LRFN2: variants seen among roughly 807,000 people sequenced by gnomAD.
LRFN2 encodes leucine rich repeat and fibronectin type III domain containing 2, also known as leucine-rich repeat and fibronectin type-III domain-containing protein 2.
Under a neutral mutation model 37.3 loss-of-function variants are expected in LRFN2, and 18 were observed. That is an observed-to-expected ratio of 0.48 (90% CI 0.33 to 0.72). The LOEUF (loss-of-function observed/expected upper bound fraction) is 0.72, where lower values mean the gene tolerates loss of function less well. Among genes scored for constraint, LRFN2 ranks in the 30% least tolerant of loss-of-function variants. LRFN2 has a pLI of 0.02. For synonymous variants in LRFN2, 556 were observed against 466.6 expected, an observed-to-expected ratio of 1.19 and a Z score of -2.47; for missense variants, 1,006 against 1,060.7, an observed-to-expected ratio of 0.95 and a Z score of 0.72.
chr6:40,510,062 G>A (rs1314938530), intron 1 of LRFN2, among the ~76,000 whole-genome samples: 1 of 151,864 alleles, frequency 6.6e-6, no homozygotes, highest in Non-Finnish European at 1.5e-5. Context: ...GGAGAGCTGA[G>A]TGCATGCATG....
At chr6:40,514,681 G>C (rs1489502815) in intron 1 of LRFN2, among the ~76,000 whole-genome samples, 1 of 152,118 alleles carries the variant, frequency 6.6e-6, no homozygotes, top group Non-Finnish European at 1.5e-5. Context: ...GATCTGAGAA[G>C]GTCTGCAGTA....
At chr6:40,452,146 T>A (rs1764125452) in intron 1 of LRFN2, among the ~76,000 whole-genome samples, 1 of 152,174 alleles carries the variant, frequency 6.6e-6, no homozygotes, top group Non-Finnish European at 1.5e-5. Context: ...TGTCCAATCT[T>A]ACCACCCAGT....
At chr6:40,436,440 C>T (rs1270932146) in intron 1 of LRFN2, among the ~76,000 whole-genome samples, 1 of 152,164 alleles carries the variant, frequency 6.6e-6, no homozygotes, top group African/African-American at 2.4e-5. Context: ...AAAATATTTA[C>T]TATCTTGTCC....
chr6:40,579,542 C>G (rs1035219698), intron 1 of LRFN2, among the ~76,000 whole-genome samples: 2 of 119,466 alleles, frequency 1.7e-5, no homozygotes, highest in Non-Finnish European at 3.6e-5. Flanking sequence ...TCACCACCAT[C>G]AGCTTTACAT....
chr6:40,445,341 G>A (rs906094658), intron 1 of LRFN2, among the ~76,000 whole-genome samples: 1 of 152,222 alleles, frequency 6.6e-6, no homozygotes, highest in Admixed American at 6.5e-5. Flanking sequence ...AAAAGGCAGA[G>A]TTGGAATCGC....
intron 1 of LRFN2, among the ~76,000 whole-genome samples, chr6:40,519,556 T>C (rs921828407): frequency 2.0e-5 from 3 of 152,206 alleles, no homozygotes; most frequent in Non-Finnish European, 4.4e-5. Context: ...GCCTCCACTA[T>C]GGCCATGACA....
At chr6:40,547,563 C>T (rs1161003450) in intron 1 of LRFN2, among the ~76,000 whole-genome samples, 1 of 152,178 alleles carries the variant, frequency 6.6e-6, no homozygotes, top group African/African-American at 2.4e-5. Context: ...CCCTTCTTCA[C>T]CCTGGTCATT....
chr6:40,481,247 C>T (rs911173052), intron 1 of LRFN2, among the ~76,000 whole-genome samples: 6 of 151,996 alleles, frequency 3.9e-5, no homozygotes, highest in Non-Finnish European at 7.4e-5. Flanking sequence ...AACAGCCTGG[C>T]CAACACAGTA....
At chr6:40,437,622 A>G (rs1293875195) in intron 1 of LRFN2, among the ~76,000 whole-genome samples, 2 of 152,196 alleles carry the variant, frequency 1.3e-5, no homozygotes, top group Non-Finnish European at 2.9e-5. Flanking sequence ...ATTGAATCTT[A>G]ATTAAAATTG....
At chr6:40,476,903 A>G (rs1450955794) in intron 1 of LRFN2, among the ~76,000 whole-genome samples, 1 of 152,226 alleles carries the variant, frequency 6.6e-6, no homozygotes, top group Non-Finnish European at 1.5e-5. Context: ...TCCTATTTCC[A>G]GCCTGCCTGG....
At chr6:40,393,049 A>G (rs1762547911) in intron 2 of LRFN2, 137 bp from the exon 3 acceptor site, 2 of 735,624 alleles carry the variant, frequency 2.7e-6, no homozygotes, top group Admixed American at 5.6e-5. Context: ...ACACGGGGAC[A>G]CAGAGAGAAT....
chr6:40,515,705 G>A (rs546817966), intron 1 of LRFN2, among the ~76,000 whole-genome samples: 36 of 152,034 alleles, frequency 2.4e-4, no homozygotes, highest in Middle Eastern at 3.4e-3. Context: ...CCTGGCCAAC[G>A]TGGTGAAACC....
intron 1 of LRFN2, among the ~76,000 whole-genome samples, chr6:40,578,610 C>A (rs149666679): frequency 1.0e-3 from 156 of 152,222 alleles, no homozygotes; most frequent in African/African-American, 3.5e-3. Flanking sequence ...TTAAGAGGGT[C>A]CTCAGTGGTA....
chr6:40,572,168 T>C (rs917912636), intron 1 of LRFN2, among the ~76,000 whole-genome samples: 12 of 152,246 alleles, frequency 7.9e-5, no homozygotes, highest in Non-Finnish European at 1.3e-4. Flanking sequence ...AAACCCTCTA[T>C]ATCACAGTTT....
chr6:40,420,658 G>A (rs754967192), intron 2 of LRFN2, among the ~76,000 whole-genome samples: 5 of 152,228 alleles, frequency 3.3e-5, no homozygotes, highest in Admixed American at 6.5e-5. Flanking sequence ...TTTATCTAAT[G>A]GGGAGCAACA....
chr6:40,500,259 C>T lies in LRFN2; in HGVS notation c.-18-67128G>A, dbSNP rs140637597. ...CAGCTCTGTGTCCCAGGGGAAGGCC[C>T]CCTTGCCCTCTTATTTCCTGTCAGG... On this transcript the variant is annotated intron_variant, in intron 1 of 2. Transcript: ENST00000338305. 2.6e-4 allele frequency among the ~76,000 whole-genome samples: 40 copies of T among 152,368 alleles called. No individual in the cohort carries two copies. The East Asian group carries it at 2.9e-3, about 11-fold the overall frequency.
intron 1 of LRFN2, among the ~76,000 whole-genome samples, chr6:40,520,483 GC>G (rs930144213): frequency 1.3e-5 from 2 of 152,140 alleles, no homozygotes; most frequent in Non-Finnish European, 2.9e-5. Context: ...TGCAGGAGAA[GC>G]CCCCTCCCTT....
chr6:40,499,854 G>T lies in LRFN2; in HGVS notation c.-18-66723C>A, dbSNP rs73432652. 7.3e-3 allele frequency among the ~76,000 whole-genome samples: 1,119 copies of T among 152,302 alleles called. 18 individuals carry two copies. Among genetic ancestry groups the T allele is most frequent in the African/African-American group, 0.025 (1,031 of 41,542 alleles). On this transcript the variant is annotated intron_variant, in intron 1 of 2. Transcript: ENST00000338305. ...TTCTGCCTTCTACTGTGAGAGCAAG[G>T]TTTTTGAAAACCTTTCTGTGCCTCA... is the stretch of plus-strand genomic sequence containing the variant.
At chr6:40,550,900 T>C (rs953885277) in intron 1 of LRFN2, among the ~76,000 whole-genome samples, 2 of 152,172 alleles carry the variant, frequency 1.3e-5, no homozygotes, top group African/African-American at 4.8e-5. Context: ...GGGGTGAGTA[T>C]ATCATATGTA....
Sources: allele counts gnomAD v4.1 joint callset (sites outside exome capture counted in the v4.1 genomes callset), GRCh38; gene constraint gnomAD v4.1.1; transcripts MANE v1.5; gene names NCBI Gene and HGNC (gene_info 2026-07-23, HGNC 2026-07-21).